The following PHF21A variants were observed in gnomAD, a reference collection of about 807,000 sequenced individuals.
PHF21A encodes PHD finger protein 21A.
PHF21A carries 11 observed loss-of-function variants against 82.5 expected under a neutral mutation model. The ratio of observed to expected loss-of-function variants is 0.13; its 90% CI spans 0.08 to 0.22. The LOEUF (loss-of-function observed/expected upper bound fraction) is 0.22. Among genes scored for constraint, PHF21A ranks in the 10% least tolerant of loss-of-function variants. PHF21A has a pLI of 1.00. For missense variants in PHF21A, 579 were observed against 837.8 expected (o/e 0.69, Z 3.81); for synonymous variants, 297 against 302.8 (o/e 0.98, Z 0.20).
At chr11:46,037,661 A>G (rs2096040459) in intron 6 of PHF21A, among the ~76,000 whole-genome samples, 1 of 151,506 alleles carries the variant, frequency 6.6e-6, no homozygotes, top group Non-Finnish European at 1.5e-5. Flanking sequence ...AAAAAAAAAA[A>G]AAGAGGGTGC....
intron 1 of PHF21A, chr11:46,117,031 C>T (rs1851520718): frequency 6.6e-6 from 1 of 152,156 alleles, no homozygotes; most frequent in Non-Finnish European, 1.5e-5. Context: ...ACTTTCTCAA[C>T]TGATATGGAA....
chr11:46,012,370 T>C (rs887620627), intron 6 of PHF21A, among the ~76,000 whole-genome samples: 4 of 152,204 alleles, frequency 2.6e-5, no homozygotes, highest in Non-Finnish European at 5.9e-5. Flanking sequence ...TTCAGATGCT[T>C]TTCAAGTTTC....
intron 6 of PHF21A, among the ~76,000 whole-genome samples, chr11:45,981,505 T>C (rs558014830): frequency 1.9e-4 from 28 of 150,892 alleles, no homozygotes; most frequent in Non-Finnish European, 3.7e-4. Context: ...TCATAAAGCA[T>C]ATAATAACTA....
At chr11:46,099,644 C>A (rs1457274808) in intron 1 of PHF21A, among the ~76,000 whole-genome samples, 2 of 151,854 alleles carry the variant, frequency 1.3e-5, no homozygotes, top group Non-Finnish European at 2.9e-5. Context: ...TTGCTGCAGG[C>A]CTAGAAAACT....
intron 4 of PHF21A, among the ~76,000 whole-genome samples, chr11:46,079,880 G>T (rs1217113324): frequency 6.6e-6 from 1 of 151,482 alleles, no homozygotes; most frequent in African/African-American, 2.4e-5. Flanking sequence ...AAAGAGGAAA[G>T]GAAAGGAAAA....
chr11:45,956,901 G>A (rs2092682794), intron 10 of PHF21A, among the ~76,000 whole-genome samples: 1 of 152,086 alleles, frequency 6.6e-6, no homozygotes, highest in Non-Finnish European at 1.5e-5. Context: ...ATGATCTAAT[G>A]ATATGCTGTA....
chr11:46,058,615 GAC>G (rs2096492053), intron 6 of PHF21A, among the ~76,000 whole-genome samples: 1 of 152,060 alleles, frequency 6.6e-6, no homozygotes, highest in Non-Finnish European at 1.5e-5. Context: ...CCTAAACATG[GAC>G]AGTCTTTCTA....
chr11:46,103,687 G>A (rs543229357), intron 1 of PHF21A, among the ~76,000 whole-genome samples: 1 of 152,196 alleles, frequency 6.6e-6, no homozygotes, highest in South Asian at 2.1e-4. Flanking sequence ...CTTGCTAAGG[G>A]TAACATATAC....
At chr11:46,043,953 C>A (rs1024369637) in intron 6 of PHF21A, among the ~76,000 whole-genome samples, 25 of 152,232 alleles carry the variant, frequency 1.6e-4, no homozygotes, top group African/African-American at 4.8e-4. Flanking sequence ...TGATTTATAT[C>A]AAGCACAGAA....
chr11:46,047,770 C>T (rs2096278214), intron 6 of PHF21A, among the ~76,000 whole-genome samples: 1 of 152,158 alleles, frequency 6.6e-6, no homozygotes, highest in Non-Finnish European at 1.5e-5. Context: ...GTGTCAATTT[C>T]ATCTGCATGG....
At chr11:46,089,032 A>T (rs914548069) in intron 3 of PHF21A, among the ~76,000 whole-genome samples, 3 of 115,576 alleles carry the variant, frequency 2.6e-5, no homozygotes, top group African/African-American at 9.6e-5. Context: ...ACTAACGATA[A>T]GTCCATGACA....
At position 45,979,795 on chromosome 11, in the gene PHF21A, A is replaced by C; in HGVS notation, c.325T>G (p.Ser109Ala). 6.2e-7 allele frequency: 1 copy of C among 1,614,032 alleles called. No homozygotes were observed. Among genetic ancestry groups the C allele is most frequent in the South Asian group, 1.1e-5 (1 of 91,064 alleles). Residue 109 changes from serine to alanine, a missense_variant, in exon 7 of 19, where the codon TCA becomes GCA. Physicochemically the swap from Ser to Ala is moderately conservative, Grantham distance 99. This residue lies in a region of PHF21A where 410 missense variants were observed against 642.1 expected (regional missense o/e 0.64). Coordinates refer to ENST00000676320, the MANE Select transcript of PHF21A (RefSeq NM_001352027.3). The part of the protein sequence containing the change: ...QQYHHHHAQQ[S>A]AAASPNLTAS... ...GTCAGGTTGGGAGAGGCTGCAGCTG[A>C]CTGCTGGGCGTGGTGGTGGTGGTAC...
intron 6 of PHF21A, among the ~76,000 whole-genome samples, chr11:46,052,197 A>T (rs551353552): frequency 1.5e-4 from 23 of 152,168 alleles, no homozygotes; most frequent in Non-Finnish European, 2.5e-4. Flanking sequence ...AATAAAAAAA[A>T]CTTTCCCTCT....
At chr11:45,993,842 C>CA (rs1386410841) in intron 6 of PHF21A, among the ~76,000 whole-genome samples, 1 of 151,832 alleles carries the variant, frequency 6.6e-6, no homozygotes, top group Non-Finnish European at 1.5e-5. Flanking sequence ...GAGGCTCGGG[C>CA]AGCTGGCGAG....
chr11:45,953,773 T>G, intron 10 of PHF21A, 148 bp from the exon 11 acceptor site: 2 of 590,952 alleles, frequency 3.4e-6, no homozygotes, highest in South Asian at 2.3e-5. Context: ...TATTATAGAT[T>G]TCATTGGGGG....
intron 6 of PHF21A, among the ~76,000 whole-genome samples, chr11:46,060,633 T>A (rs947658204): frequency 3.3e-5 from 5 of 152,228 alleles, no homozygotes; most frequent in Non-Finnish European, 5.9e-5. Context: ...TTGAAAAGTG[T>A]CTGTTCGTGT....
intron 6 of PHF21A, among the ~76,000 whole-genome samples, chr11:45,995,725 G>C (rs912820380): frequency 3.3e-5 from 5 of 152,322 alleles, no homozygotes; most frequent in Middle Eastern, 3.4e-3. Context: ...GACTTAAGCA[G>C]AAGCTGAACG....
chr11:46,003,815 A>G (rs189541671), intron 6 of PHF21A, among the ~76,000 whole-genome samples: 16 of 152,254 alleles, frequency 1.1e-4, no homozygotes, highest in Admixed American at 1.0e-3. Flanking sequence ...CCCTTCATCA[A>G]TTGCTTCCTA....
chr11:45,976,254 G>T (rs2946004), intron 7 of PHF21A, among the ~76,000 whole-genome samples: 1 of 151,852 alleles, frequency 6.6e-6, no homozygotes, highest in Admixed American at 6.6e-5. Context: ...CATCTGACAG[G>T]GCCCTGCTCA....
Sources: gnomAD v4.1 joint callset for allele counts (sites outside exome capture counted in the v4.1 genomes callset) on GRCh38, gnomAD v4.1.1 for gene constraint, gnomAD v4.1.1 regional missense constraint, MANE v1.5 for transcripts, NCBI Gene and HGNC (gene_info 2026-07-23, HGNC 2026-07-21) for gene names.